Variants in WSB2 observed in about 807,000 individuals in gnomAD.
WSB2 encodes WD repeat and SOCS box-containing protein 2.
Under a neutral mutation model 48.8 loss-of-function variants are expected in WSB2, and 12 were observed. The observed-to-expected ratio is 0.25, with a 90% confidence interval of 0.16 to 0.40. The LOEUF (loss-of-function observed/expected upper bound fraction) is 0.40, where lower values mean the gene tolerates loss of function less well. Ranked by LOEUF, WSB2 falls within the 10% of genes least tolerant of loss-of-function variation. WSB2 has a pLI of 1.00. For synonymous variants in WSB2, 191 were observed against 203.1 expected (o/e 0.94, Z 0.51); for missense variants, 317 against 506.2 (o/e 0.63, Z 3.59).
At position 118,032,717 on chromosome 12, in the gene WSB2, A is replaced by T. The variant is rs2031389609; in HGVS notation, c.*1479T>A. 6.6e-6 allele frequency: 1 copy of T among 152,054 alleles called. No individual in the cohort carries two copies. The highest frequency in any genetic ancestry group is 2.4e-5 in the African/African-American group (1 of 41,382). The allele number at this position is 152,054 out of a possible 1,614,324, so 9.4% of individuals were successfully genotyped here. ...TTGGCTATTTATTTATTTATTTTTT[A>T]AATAAAGATTGGGTCTTATCTCACT... On this transcript the variant is annotated 3_prime_UTR_variant, in exon 9 of 9. Transcript: ENST00000315436.
upstream of WSB2, among the ~76,000 whole-genome samples, chr12:118,061,694 A>C (rs111860506): frequency 0.014 from 2,048 of 144,762 alleles, 48 homozygotes; most frequent in African/African-American, 0.05. Flanking sequence ...AGGGGAACCA[A>C]AGGGGCTGAA....
Position 118,061,079 on chromosome 12 carries a change from G to A in WSB2, c.-31C>T, listed in dbSNP as rs2032055514. 2.0e-6 allele frequency: 2 copies of A among 981,924 alleles called. No homozygotes were observed. Among genetic ancestry groups the A allele is most frequent in the Middle Eastern group, 5.2e-4 (1 of 1,926 alleles). 60.8% of individuals were successfully genotyped at this position (981,924 alleles called of 1,614,324 possible). A position where few individuals can be genotyped will look rare whatever the true frequency, so the allele number is the denominator to read the frequency against. ...ACGCGAGCGGCCCCCGCGGCAGGCG[G>A]CGGGCGCCTCAGCCCCCCGGGCCGC... is the stretch of plus-strand genomic sequence containing the variant. On this transcript the variant is annotated 5_prime_UTR_variant, in exon 1 of 9. Transcript: ENST00000315436.
At chr12:118,057,422 G>A (rs1478145935) in intron 1 of WSB2, among the ~76,000 whole-genome samples, 1 of 151,892 alleles carries the variant, frequency 6.6e-6, no homozygotes, top group East Asian at 1.9e-4. Flanking sequence ...TTACAGGCAT[G>A]CGCCACCACA....
At chr12:118,048,778 A>G (rs1333548479) in intron 2 of WSB2, among the ~76,000 whole-genome samples, 3 of 152,162 alleles carry the variant, frequency 2.0e-5, no homozygotes, top group Non-Finnish European at 2.9e-5. Flanking sequence ...TTGTTCAGAA[A>G]TAGGATTTAA....
intron 4 of WSB2, chr12:118,042,414 T>G: frequency 5.7e-6 from 1 of 176,192 alleles, no homozygotes; most frequent in Non-Finnish European, 1.2e-5. Flanking sequence ...CGACAAAGGG[T>G]TATCCAGCCC....
At chr12:118,052,536 ACACAGGAAAGC>A (rs1258363291) in intron 1 of WSB2, 58 bp from the exon 2 acceptor site, 2 of 1,603,644 alleles carry the variant, frequency 1.2e-6, no homozygotes, top group African/African-American at 2.7e-5. Flanking sequence ...GACCACCCAG[ACACAGGAAAGC>A]CACTGTCTCC....
intron 5 of WSB2, among the ~76,000 whole-genome samples, chr12:118,036,819 G>T (rs563586548): frequency 8.1e-4 from 123 of 152,336 alleles, no homozygotes; most frequent in African/African-American, 2.7e-3. Context: ...TCTGAGTCCT[G>T]TTTGCCAATA....
At chr12:118,059,571 C>T (rs1417583056) in intron 1 of WSB2, among the ~76,000 whole-genome samples, 2 of 152,138 alleles carry the variant, frequency 1.3e-5, no homozygotes, top group African/African-American at 4.8e-5. Context: ...CTTGGCAGCT[C>T]TCAACAACCC....
chr12:118,044,803 A>T (rs751198832), intron 2 of WSB2, among the ~76,000 whole-genome samples: 14 of 152,206 alleles, frequency 9.2e-5, no homozygotes, highest in Non-Finnish European at 1.9e-4. Flanking sequence ...GGTACACAGC[A>T]CAAAGGTCTC....
chr12:118,038,183 A>G (rs763625623), intron 5 of WSB2, 105 bp downstream of exon 5: 1 of 1,071,180 alleles, frequency 9.3e-7, no homozygotes, highest in Non-Finnish European at 1.3e-6. Context: ...CATGCCTTCT[A>G]TTGGGGTGGA....
Position 118,056,716 on chromosome 12 carries a change from C to T in WSB2, c.14-4238G>A, listed in dbSNP as rs537124305. On this transcript the variant is annotated intron_variant, in intron 1 of 8. Transcript: ENST00000315436. ...AGGAGTTCAAGACCAGCCTGGCCAA[C>T]GTGGTGAAACCCCGTCTCTACTTAA... 1.1e-3 allele frequency among the ~76,000 whole-genome samples: 163 copies of T among 152,178 alleles called. 1 individual carries two copies. The highest frequency in any genetic ancestry group is 4.4e-3 in the South Asian group (21 of 4,810).
intron 1 of WSB2, among the ~76,000 whole-genome samples, chr12:118,052,767 A>G (rs1249238834): frequency 6.6e-6 from 1 of 152,176 alleles, no homozygotes; most frequent in Non-Finnish European, 1.5e-5. Flanking sequence ...AAGGGGAGGA[A>G]AGTGGAGAGA....
chr12:118,041,246 GGTGAAGCCT>G (rs1036041423), intron 4 of WSB2, among the ~76,000 whole-genome samples: 2 of 152,216 alleles, frequency 1.3e-5, no homozygotes, highest in African/African-American at 4.8e-5. Flanking sequence ...AGGTCATGAG[GGTGAAGCCT>G]CAGGAATGGG....
chr12:118,058,795 C>T (rs1264153742), intron 1 of WSB2, among the ~76,000 whole-genome samples: 3 of 151,648 alleles, frequency 2.0e-5, no homozygotes, highest in Admixed American at 2.0e-4. Context: ...CTCTCCAGTT[C>T]AAGCGGTTCT....
At chr12:118,039,744 AT>A (rs201745633) in intron 4 of WSB2, among the ~76,000 whole-genome samples, 2 of 150,984 alleles carry the variant, frequency 1.3e-5, no homozygotes, top group African/African-American at 2.4e-5. Flanking sequence ...TTTCTTTTTT[AT>A]TTTTTTTTAT....
upstream of WSB2, chr12:118,061,181 C>T: frequency 1.0e-6 from 1 of 983,620 alleles, no homozygotes; most frequent in Non-Finnish European, 1.2e-6. Flanking sequence ...CAGCTGCTTC[C>T]CGTCACATGG....
chr12:118,038,188 G>A (rs2031554873), intron 5 of WSB2, 100 bp downstream of exon 5: 2 of 1,134,598 alleles, frequency 1.8e-6, no homozygotes, highest in South Asian at 1.7e-5. Flanking sequence ...CTTCTATTGG[G>A]GTGGATTTGC....
In WSB2 at chr12:118,052,435, G is replaced by GT; in HGVS notation, c.56dup (p.His19GlnfsTer4). 1 of 1,614,168 alleles carries GT rather than the reference G, an allele frequency of 6.2e-7. No individual in the cohort carries two copies. The highest frequency in any genetic ancestry group is 1.7e-4 in the Middle Eastern group (1 of 6,058). On this transcript the variant is annotated frameshift_variant, in exon 2 of 9. Coordinates refer to ENST00000315436, the MANE Select transcript of WSB2 (RefSeq NM_018639.5). LOFTEE classifies it high-confidence loss of function. ...CACAGCTGGACTTCCAATCAAACTG[G>GT]TGGGGGCGCCCGGGCTTGAGTTCGG...
In WSB2 at chr12:118,035,477, T is replaced by TG. The variant is rs547992650; in HGVS notation, c.834-154dup. ...GTGGAAAAGCTTGGGATTTGCACAC[T>TG]GGGAAAAAAAAGGGTATCTCAGAAG... On this transcript the variant is annotated intron_variant, in intron 6 of 8. Transcript: ENST00000315436. Among the ~76,000 whole-genome samples, 128 of 151,846 alleles carry TG rather than the reference T, an allele frequency of 8.4e-4. 4 individuals carry two copies. In the South Asian group the frequency reaches 0.025, roughly 30 times the overall value.
Sources: gnomAD v4.1 joint callset for allele counts (sites outside exome capture counted in the v4.1 genomes callset) on GRCh38, gnomAD v4.1.1 for gene constraint, MANE v1.5 for transcripts, NCBI Gene and HGNC (gene_info 2026-07-23, HGNC 2026-07-21) for gene names.